CLASP2: variants seen among roughly 807,000 people sequenced by gnomAD.
CLASP2 encodes CLIP-associating protein 2.
Under a neutral mutation model 194.4 loss-of-function variants are expected in CLASP2, and 47 were observed. The ratio of observed to expected loss-of-function variants is 0.24; its 90% CI spans 0.19 to 0.31. The LOEUF (loss-of-function observed/expected upper bound fraction) is 0.31. Ranked by LOEUF, CLASP2 falls within the 10% of genes least tolerant of loss-of-function variation. The probability of loss-of-function intolerance (pLI) is 1.00; values close to 1 mark genes in which losing one functional copy is unlikely to be tolerated. For synonymous variants in CLASP2, 619 were observed against 633.5 expected, an observed-to-expected ratio of 0.98 and a Z score of 0.34; for missense variants, 1,445 against 1,823.6, an observed-to-expected ratio of 0.79 and a Z score of 3.78.
intron 8 of CLASP2, among the ~76,000 whole-genome samples, chr3:33,633,603 G>C (rs1419052451): frequency 6.6e-6 from 1 of 152,110 alleles, no homozygotes; most frequent in Non-Finnish European, 1.5e-5. Context: ...TTACAGAACA[G>C]ATGTGAATAT....
At chr3:33,499,966 C>T (rs984741439) in intron 38 of CLASP2, among the ~76,000 whole-genome samples, 1 of 152,080 alleles carries the variant, frequency 6.6e-6, no homozygotes, top group Non-Finnish European at 1.5e-5. Context: ...ATCTCTGTGT[C>T]ATTCTGCAGT....
intron 15 of CLASP2, 58 bp from the exon 16 acceptor site, chr3:33,606,816 A>G: frequency 2.4e-6 from 3 of 1,254,504 alleles, no homozygotes; most frequent in Non-Finnish European, 3.4e-6. Flanking sequence ...AGACATTAAC[A>G]GTAACGTGTA....
At position 33,710,503 on chromosome 3, in the gene CLASP2, T is replaced by C. The variant is rs376488239; in HGVS notation, c.195+7305A>G. ...CCAGAGGGTCACTTGAGCCCAGGAA[T>C]TGGAGGATGCAGTGAGCTATGATCG... On this transcript the variant is annotated intron_variant, in intron 1 of 38. Transcript: ENST00000682230. 5.6e-4 allele frequency among the ~76,000 whole-genome samples: 86 copies of C among 152,252 alleles called. 1 individual carries two copies. In the South Asian group the frequency reaches 0.016, roughly 29 times the overall value.
chr3:33,665,753 C>T (rs950782907), intron 6 of CLASP2, among the ~76,000 whole-genome samples: 1 of 152,150 alleles, frequency 6.6e-6, no homozygotes, highest in African/African-American at 2.4e-5. Flanking sequence ...ATCCCTCCAA[C>T]CCCATCATCA....
chr3:33,645,360 T>G (rs1420362472), intron 7 of CLASP2: 2 of 764,436 alleles, frequency 2.6e-6, no homozygotes. Flanking sequence ...AGGCTCCCAA[T>G]AGTTCACATG....
At chr3:33,532,152 A>C (rs1209997086) in intron 34 of CLASP2, among the ~76,000 whole-genome samples, 1 of 152,228 alleles carries the variant, frequency 6.6e-6, no homozygotes, top group Non-Finnish European at 1.5e-5. Flanking sequence ...TGGATAAGCA[A>C]AATGTGGCAT....
Position 33,535,440 on chromosome 3 carries a change from A to G in CLASP2, c.3580T>C (p.Ser1194Pro). ...GDSMCGGPGM[S>P]DPRAGGDATD... ...GCATCACCTCCTGCTCTTGGGTCAG[A>G]CATCCCAGGACCACCACACATCTAT... is the stretch of plus-strand genomic sequence containing the variant. The change falls in exon 34 of 39, where the codon TCT becomes CCT. Residue 1194 changes from serine to proline, a missense_variant. Around this residue, in one of 4 missense-constraint regions of CLASP2, gnomAD observed 732 missense variants for 987.9 expected, o/e 0.74. Transcript: ENST00000682230. 1 of 1,613,822 alleles carries G rather than the reference A, an allele frequency of 6.2e-7. No homozygotes were observed. The highest frequency in any genetic ancestry group is 2.2e-5 in the East Asian group (1 of 44,876).
At chr3:33,602,077 G>A (rs1278189656) in intron 18 of CLASP2, among the ~76,000 whole-genome samples, 2 of 149,302 alleles carry the variant, frequency 1.3e-5, no homozygotes, top group Non-Finnish European at 3.0e-5. Context: ...GCAATGGCAC[G>A]ATTTTGGCTC....
At chr3:33,509,294 G>A (rs1459130541) in intron 37 of CLASP2, among the ~76,000 whole-genome samples, 3 of 152,042 alleles carry the variant, frequency 2.0e-5, no homozygotes, top group Admixed American at 1.3e-4. Context: ...TTGGCTCACC[G>A]CCAACTCCAC....
In CLASP2 at chr3:33,699,192, G is replaced by A. The variant is rs1235897034; in HGVS notation, c.196-2259C>T. 3.9e-5 allele frequency among the ~76,000 whole-genome samples: 6 copies of A among 152,090 alleles called. No homozygotes were observed. The East Asian group carries it at 7.7e-4, about 20-fold the overall frequency. On this transcript the variant is annotated intron_variant, in intron 1 of 38. Coordinates refer to ENST00000682230, the MANE Select transcript of CLASP2 (RefSeq NM_001365631.1). ...AATTACTCAAATTGAAATACAAAAA[G>A]GAACAAAAAGGGAAGGGGAGAGACA...
chr3:33,567,823 C>T (rs948635533), intron 26 of CLASP2, among the ~76,000 whole-genome samples: 1 of 152,114 alleles, frequency 6.6e-6, no homozygotes, highest in Non-Finnish European at 1.5e-5. Flanking sequence ...TTAAGTAATC[C>T]TTCCAAAAGG....
chr3:33,560,290 T>G (rs1054651227), intron 28 of CLASP2, among the ~76,000 whole-genome samples: 7 of 152,034 alleles, frequency 4.6e-5, no homozygotes, highest in African/African-American at 1.2e-4. Flanking sequence ...TTGCCCACGC[T>G]GGAGTGCAGT....
intron 8 of CLASP2, among the ~76,000 whole-genome samples, chr3:33,634,562 C>A (rs546230578): frequency 1.3e-5 from 2 of 152,028 alleles, no homozygotes; most frequent in Non-Finnish European, 2.9e-5. Flanking sequence ...CTTTGACCAA[C>A]GAAGGATATA....
chr3:33,622,015 A>T lies in CLASP2; in HGVS notation c.1181+120T>A, dbSNP rs112117284. 5.1e-3 allele frequency: 3,693 copies of T among 718,900 alleles called. 106 individuals carry two copies. In the African/African-American group the frequency reaches 0.062, roughly 12 times the overall value. 44.5% of individuals were successfully genotyped at this position (718,900 alleles called of 1,614,324 possible). ...GATTGAATCCTTATGTATAATAAAA[A>T]TGATTTTTGGATCATATACTTTTTT... On this transcript the variant is annotated intron_variant, in intron 11 of 38. Coordinates refer to ENST00000682230, the MANE Select transcript of CLASP2 (RefSeq NM_001365631.1).
At chr3:33,537,978 A>G (rs903657718) in intron 33 of CLASP2, among the ~76,000 whole-genome samples, 3 of 152,166 alleles carry the variant, frequency 2.0e-5, no homozygotes, top group Non-Finnish European at 4.4e-5. Flanking sequence ...CATCTCTGCT[A>G]AAAATACAAC....
chr3:33,704,152 A>C (rs1052431225), intron 1 of CLASP2, among the ~76,000 whole-genome samples: 5 of 152,180 alleles, frequency 3.3e-5, no homozygotes, highest in Non-Finnish European at 7.4e-5. Flanking sequence ...ATAATACTAT[A>C]ATGTTAAGTA....
chr3:33,514,718 C>T, intron 36 of CLASP2: 1 of 340,826 alleles, frequency 2.9e-6, no homozygotes, highest in South Asian at 2.5e-5. Flanking sequence ...AAGATACTTG[C>T]ACACAGGTGT....
chr3:33,596,575 AT>A (rs754601204), intron 19 of CLASP2, 135 bp downstream of exon 19: 2 of 743,062 alleles, frequency 2.7e-6, no homozygotes, highest in Non-Finnish European at 2.3e-6. Context: ...TTATGTAGCC[AT>A]TTTCACATTA....
intron 36 of CLASP2, among the ~76,000 whole-genome samples, chr3:33,513,210 C>A (rs1289293493): frequency 6.6e-6 from 1 of 152,034 alleles, no homozygotes; most frequent in African/African-American, 2.4e-5. Context: ...TGTACCACTA[C>A]CAAACACGGT....
Sources: gnomAD v4.1 joint callset for allele counts (sites outside exome capture counted in the v4.1 genomes callset) on GRCh38, gnomAD v4.1.1 for gene constraint, gnomAD v4.1.1 regional missense constraint, MANE v1.5 for transcripts, NCBI Gene and HGNC (gene_info 2026-07-23, HGNC 2026-07-21) for gene names.